Variants in AK5 observed in about 807,000 individuals in gnomAD.
AK5 encodes adenylate kinase isoenzyme 5.
A neutral mutation model predicts 69.5 loss-of-function variants in AK5; 27 were observed. That is an observed-to-expected ratio of 0.39 (90% CI 0.29 to 0.54). The LOEUF is 0.54. Ranked by LOEUF, AK5 falls within the 20% of genes least tolerant of loss-of-function variation. The pLI, the probability that AK5 is intolerant of heterozygous loss-of-function variation, is 0.71. For missense variants in AK5, 531 were observed against 700.4 expected, an observed-to-expected ratio of 0.76 and a Z score of 2.73; for synonymous variants, 260 against 244.4, an observed-to-expected ratio of 1.06 and a Z score of -0.60.
At chr1:77,399,706 C>T (rs1649075474) in intron 6 of AK5, among the ~76,000 whole-genome samples, 1 of 152,188 alleles carries the variant, frequency 6.6e-6, no homozygotes, top group Non-Finnish European at 1.5e-5. Flanking sequence ...TAGGCCCACT[C>T]TTCCTTTGAT....
intron 6 of AK5, among the ~76,000 whole-genome samples, chr1:77,385,661 G>A (rs1028020813): frequency 9.2e-5 from 14 of 152,126 alleles, no homozygotes; most frequent in African/African-American, 3.4e-4. Context: ...ACAACAAAAA[G>A]CAATGAACCT....
At chr1:77,469,050 A>G (rs1296593062) in intron 8 of AK5, among the ~76,000 whole-genome samples, 1 of 152,248 alleles carries the variant, frequency 6.6e-6, no homozygotes, top group Non-Finnish European at 1.5e-5. Flanking sequence ...GAAGTGCTGC[A>G]TATGCAGTTA....
intron 5 of AK5, among the ~76,000 whole-genome samples, chr1:77,339,177 T>C (rs1661519452): frequency 1.3e-5 from 2 of 152,268 alleles, no homozygotes; most frequent in Non-Finnish European, 2.9e-5. Context: ...CATATGTACA[T>C]GCATAATTTG....
Position 77,297,699 on chromosome 1 carries a change from A to G in AK5, c.556A>G (p.Ile186Val), listed in dbSNP as rs1164416986. The G allele has an allele frequency of 1.2e-6, 2 of 1,613,064 alleles. No individual in the cohort carries two copies. Among genetic ancestry groups the G allele is most frequent in the South Asian group, 1.1e-5 (1 of 90,754 alleles). Reference protein sequence around the residue: ...SNRKWSLIAKIITTGELAPQE... With the variant: ...SNRKWSLIAKVITTGELAPQE... Reference sequence around the variant, plus strand: ...TAGGAAATGGAGTCTTATTGCCAAGATAATTACAACTGGAGAATTGGCCCC... The same window carrying G: ...TAGGAAATGGAGTCTTATTGCCAAGGTAATTACAACTGGAGAATTGGCCCC... The change falls in exon 4 of 14, where the codon ATA becomes GTA. Residue 186 changes from isoleucine (I) to valine (V), a missense_variant. Physicochemically the swap from Ile to Val is conservative, Grantham distance 29. Transcript: ENST00000354567.
chr1:77,482,273 G>A (rs913354795), intron 8 of AK5, among the ~76,000 whole-genome samples: 1 of 152,152 alleles, frequency 6.6e-6, no homozygotes, highest in Non-Finnish European at 1.5e-5. Context: ...AGGTGAGAGT[G>A]AGAGTTCTCA....
chr1:77,365,806 A>C (rs1393867604), intron 6 of AK5, among the ~76,000 whole-genome samples: 2 of 152,098 alleles, frequency 1.3e-5, no homozygotes, highest in Non-Finnish European at 2.9e-5. Flanking sequence ...GGACTTGGGG[A>C]CCTCTGCTCT....
chr1:77,416,190 A>C (rs2100579725), intron 7 of AK5, among the ~76,000 whole-genome samples: 1 of 152,298 alleles, frequency 6.6e-6, no homozygotes, highest in Non-Finnish European at 1.5e-5. Flanking sequence ...AAAAGTACAA[A>C]GGTAGAAAAA....
At chr1:77,434,660 A>G (rs1651850089) in intron 8 of AK5, among the ~76,000 whole-genome samples, 1 of 152,200 alleles carries the variant, frequency 6.6e-6, no homozygotes, top group African/African-American at 2.4e-5. Context: ...CATAATAAAG[A>G]CAATGTGAAG....
chr1:77,391,741 C>G (rs963017213), intron 6 of AK5, among the ~76,000 whole-genome samples: 113 of 152,030 alleles, frequency 7.4e-4, no homozygotes, highest in African/African-American at 2.7e-3. Context: ...TTGTTATTAT[C>G]TTGATTTTAT....
chr1:77,347,115 G>C (rs1382546979), intron 6 of AK5, among the ~76,000 whole-genome samples: 23 of 152,124 alleles, frequency 1.5e-4, no homozygotes, highest in Admixed American at 1.5e-3. Context: ...GTTTTTAAAG[G>C]TTAATAGGAA....
intron 6 of AK5, among the ~76,000 whole-genome samples, chr1:77,394,801 C>A (rs376872340): frequency 2.0e-5 from 3 of 152,056 alleles, no homozygotes; most frequent in African/African-American, 7.2e-5. Context: ...TCATACTATC[C>A]GCAACAAATG....
chr1:77,406,690 T>C (rs1328814525), intron 6 of AK5, among the ~76,000 whole-genome samples: 4 of 128,726 alleles, frequency 3.1e-5, no homozygotes, highest in Non-Finnish European at 6.5e-5. Flanking sequence ...CATGAGGAAA[T>C]TGCCTGATGC....
chr1:77,557,949 G>T (rs1300808696), intron 13 of AK5, among the ~76,000 whole-genome samples: 1 of 141,446 alleles, frequency 7.1e-6, no homozygotes, highest in African/African-American at 2.7e-5. Flanking sequence ...CCTGCCTCCA[G>T]TTTTGACTTT....
In AK5 at chr1:77,359,311, T is replaced by C. The variant is rs569704375; in HGVS notation, c.891+18743T>C. Reference sequence around the variant, plus strand: ...ATTAAGATTCTATTAATTTATGTTATAGAAAAAATTAAAACTATTTGTTTT... The same window carrying C: ...ATTAAGATTCTATTAATTTATGTTACAGAAAAAATTAAAACTATTTGTTTT... On this transcript the variant is annotated intron_variant, in intron 6 of 13. Transcript: ENST00000354567. Among the ~76,000 whole-genome samples the C allele has an allele frequency of 1.3e-4, 20 of 152,168 alleles. No individual in the cohort carries two copies. In the South Asian group the frequency reaches 1.9e-3, roughly 14 times the overall value.
chr1:77,455,089 C>T (rs775293925), intron 8 of AK5, among the ~76,000 whole-genome samples: 3 of 152,244 alleles, frequency 2.0e-5, no homozygotes, highest in South Asian at 2.1e-4. Flanking sequence ...CCCTATCTAG[C>T]GGGCATTAGT....
chr1:77,516,817 C>G (rs1026301534), intron 10 of AK5, among the ~76,000 whole-genome samples: 2 of 152,018 alleles, frequency 1.3e-5, no homozygotes, highest in Non-Finnish European at 2.9e-5. Context: ...TGCCTGTAAT[C>G]CCAGCATTTC....
chr1:77,283,907 G>A (rs1452413753), intron 1 of AK5, among the ~76,000 whole-genome samples: 1 of 152,102 alleles, frequency 6.6e-6, no homozygotes, highest in Non-Finnish European at 1.5e-5. Flanking sequence ...TTCCTACATA[G>A]TACATCTTTT....
chr1:77,395,781 A>C (rs574651073), intron 6 of AK5, among the ~76,000 whole-genome samples: 1 of 152,348 alleles, frequency 6.6e-6, no homozygotes, highest in South Asian at 2.1e-4. Flanking sequence ...TTTCGATGGG[A>C]TGAGAAGTTA....
chr1:77,381,853 G>C (rs1322843472), intron 6 of AK5, among the ~76,000 whole-genome samples: 1 of 152,082 alleles, frequency 6.6e-6, no homozygotes, highest in African/African-American at 2.4e-5. Flanking sequence ...ATTCCACATT[G>C]ACATGGAAGC....
Sources: allele counts gnomAD v4.1 joint callset (sites outside exome capture counted in the v4.1 genomes callset), GRCh38; gene constraint gnomAD v4.1.1; transcripts MANE v1.5; gene names NCBI Gene and HGNC (gene_info 2026-07-23, HGNC 2026-07-21).